Variants in TRPM3 observed in about 807,000 individuals in gnomAD.
TRPM3 encodes the protein long transient receptor potential channel 3.
A neutral mutation model predicts 181.2 loss-of-function variants in TRPM3; 77 were observed. The observed-to-expected ratio is 0.42, with a 90% CI of 0.35 to 0.51. The LOEUF is 0.51. Ranked by LOEUF, TRPM3 falls within the 20% of genes least tolerant of loss-of-function variation. TRPM3 has a pLI of 0.01. For missense variants in TRPM3, 1,759 were observed against 2,196.7 expected, an observed-to-expected ratio of 0.80 and a Z score of 3.98; for synonymous variants, 745 against 796.4, an observed-to-expected ratio of 0.94 and a Z score of 1.09.
At chr9:71,419,200 G>A (rs1275666983) in intron 1 of TRPM3, among the ~76,000 whole-genome samples, 1 of 151,552 alleles carries the variant, frequency 6.6e-6, no homozygotes, top group East Asian at 1.9e-4. Flanking sequence ...AACAGAAAAG[G>A]CCTTATTGTT....
intron 22 of TRPM3, among the ~76,000 whole-genome samples, chr9:70,587,427 A>T (rs1234489464): frequency 6.6e-6 from 1 of 152,180 alleles, no homozygotes; most frequent in Non-Finnish European, 1.5e-5. Flanking sequence ...GCATTCATTC[A>T]GGGGCTGGAG....
chr9:71,007,732 T>G (rs2097695035), intron 1 of TRPM3, among the ~76,000 whole-genome samples: 1 of 151,746 alleles, frequency 6.6e-6, no homozygotes, highest in Non-Finnish European at 1.5e-5. Flanking sequence ...AAAATGAAAA[T>G]GAATACAAAT....
rs1347116883 is a variant in TRPM3, at chr9:70,822,294, ACTCCT to A, written c.973+5548_973+5552del. On this transcript the variant is annotated intron_variant, in intron 6 of 25. Coordinates refer to ENST00000677713, the MANE Select transcript of TRPM3 (RefSeq NM_001366145.2). ...CTCAGTCCCTTTCTTTTCTGTAAACACTCCTTAGGGGCTTTCATGTTGTCCCATTG... is the reference window on the plus strand; with the variant it reads ...CTCAGTCCCTTTCTTTTCTGTAAACATAGGGGCTTTCATGTTGTCCCATTG... Among the ~76,000 whole-genome samples, 4 of 151,772 alleles carry A rather than the reference ACTCCT, an allele frequency of 2.6e-5. No homozygotes were observed. The East Asian group carries it at 5.8e-4, about 22-fold the overall frequency.
intron 1 of TRPM3, among the ~76,000 whole-genome samples, chr9:71,106,317 C>T (rs1472613795): frequency 3.9e-5 from 6 of 151,934 alleles, no homozygotes; most frequent in African/African-American, 1.2e-4. Context: ...GAAATGGGGC[C>T]GGGGGGAGGT....
At chr9:70,986,343 A>G (rs1187941429) in intron 1 of TRPM3, among the ~76,000 whole-genome samples, 1 of 152,104 alleles carries the variant, frequency 6.6e-6, no homozygotes, top group African/African-American at 2.4e-5. Flanking sequence ...CACCTGGGCA[A>G]CAGAGGAACA....
chr9:70,814,100 A>C (rs7871227), intron 6 of TRPM3, among the ~76,000 whole-genome samples: 42,571 of 152,150 alleles, frequency 0.28, 7,638 homozygotes, highest in African/African-American at 0.51. Flanking sequence ...ATTTATTTTA[A>C]ATAACAGATA....
intron 1 of TRPM3, among the ~76,000 whole-genome samples, chr9:71,001,690 A>C (rs1354723977): frequency 1.3e-5 from 2 of 152,250 alleles, no homozygotes; most frequent in African/African-American, 4.8e-5. Flanking sequence ...TCCAAAGAGA[A>C]AATCACTGTA....
At chr9:71,356,769 C>T (rs2091913261) in intron 1 of TRPM3, among the ~76,000 whole-genome samples, 1 of 152,034 alleles carries the variant, frequency 6.6e-6, no homozygotes, top group African/African-American at 2.4e-5. Flanking sequence ...TATGCATATC[C>T]AGTTCTGAAT....
At chr9:71,430,295 AATATTC>A (rs1330457217) in intron 1 of TRPM3, among the ~76,000 whole-genome samples, 1 of 152,190 alleles carries the variant, frequency 6.6e-6, no homozygotes, top group Non-Finnish European at 1.5e-5. Context: ...GCATACATCA[AATATTC>A]ATTTTCCCTC....
chr9:71,272,201 A>G (rs1022297959), intron 1 of TRPM3, among the ~76,000 whole-genome samples: 2 of 152,182 alleles, frequency 1.3e-5, no homozygotes, highest in Non-Finnish European at 2.9e-5. Context: ...TATCTTTTTA[A>G]AAATTTTTAA....
intron 5 of TRPM3, among the ~76,000 whole-genome samples, chr9:70,830,965 T>C (rs2093854863): frequency 6.6e-6 from 1 of 152,204 alleles, no homozygotes. Context: ...TCAGTGACTT[T>C]TGTTTTGCAC....
At chr9:71,390,238 ATATT>A (rs2093031066) in intron 1 of TRPM3, among the ~76,000 whole-genome samples, 1 of 152,070 alleles carries the variant, frequency 6.6e-6, no homozygotes, top group African/African-American at 2.4e-5. Context: ...TATTAGGAGT[ATATT>A]TAAGAAAGAA....
chr9:70,589,325 G>A (rs372453813), intron 22 of TRPM3, among the ~76,000 whole-genome samples: 1 of 152,144 alleles, frequency 6.6e-6, no homozygotes. Context: ...ATGGCCACTT[G>A]TAGAGGGACA....
chr9:70,695,311 A>G (rs1217603095), intron 8 of TRPM3, among the ~76,000 whole-genome samples: 1 of 152,222 alleles, frequency 6.6e-6, no homozygotes, highest in Non-Finnish European at 1.5e-5. Context: ...GGATGACTCT[A>G]TCTCAGGATT....
At chr9:70,738,801 G>A (rs564311099) in intron 8 of TRPM3, among the ~76,000 whole-genome samples, 22 of 152,164 alleles carry the variant, frequency 1.4e-4, no homozygotes, top group Admixed American at 1.2e-3. Context: ...GAGATATTAC[G>A]ACTGATATCA....
intron 1 of TRPM3, among the ~76,000 whole-genome samples, chr9:71,252,450 A>G (rs950922529): frequency 6.6e-6 from 1 of 152,082 alleles, no homozygotes; most frequent in African/African-American, 2.4e-5. Context: ...TATGATACAA[A>G]CCGCCTCTGT....
In TRPM3 at chr9:70,621,283, A is replaced by G. The variant is rs546230681; in HGVS notation, c.1810-10T>C. ...GTTTCAAGGCTTTGGGCTGTTAAAA[A>G]AAACGTTGTGAACAAAGTTAGATCA... is the stretch of plus-strand genomic sequence containing the variant. On this transcript the variant is annotated splice_polypyrimidine_tract_variant and intron_variant, in intron 14 of 25. Coordinates refer to ENST00000677713, the MANE Select transcript of TRPM3 (RefSeq NM_001366145.2). 1 of 1,601,192 alleles carries G rather than the reference A, an allele frequency of 6.2e-7. No individual in the cohort carries two copies. The highest frequency in any genetic ancestry group is 1.7e-5 in the Admixed American group (1 of 58,654).
intron 3 of TRPM3, 81 bp downstream of exon 3, chr9:70,862,827 A>G: frequency 1.4e-6 from 2 of 1,450,444 alleles, no homozygotes; most frequent in Non-Finnish European, 1.9e-6. Context: ...CAAAGACTAA[A>G]TTTCATGCTC....
intron 1 of TRPM3, among the ~76,000 whole-genome samples, chr9:71,267,395 C>T (rs2083460956): frequency 6.6e-6 from 1 of 152,122 alleles, no homozygotes; most frequent in Non-Finnish European, 1.5e-5. Context: ...TGGCTCTGAC[C>T]CCAGTAAGTG....
Sources: gnomAD v4.1 joint callset for allele counts (sites outside exome capture counted in the v4.1 genomes callset) on GRCh38, gnomAD v4.1.1 for gene constraint, MANE v1.5 for transcripts, NCBI Gene and HGNC (gene_info 2026-07-23, HGNC 2026-07-21) for gene names.